Variants in FSTL5 observed in about 807,000 individuals in gnomAD.
FSTL5 encodes follistatin like 5, also known as follistatin-related protein 5.
Under a neutral mutation model 89.1 loss-of-function variants are expected in FSTL5, and 62 were observed. That is an observed-to-expected ratio of 0.70 (90% CI 0.57 to 0.86). FSTL5 has a LOEUF of 0.86. Among genes scored for constraint, FSTL5 ranks in the 40% least tolerant of loss-of-function variants. The pLI is 0.00. For synonymous variants in FSTL5, 383 were observed against 346.2 expected, an observed-to-expected ratio of 1.11 and a Z score of -1.18; for missense variants, 1,057 against 1,001.6, an observed-to-expected ratio of 1.06 and a Z score of -0.75.
chr4:161,813,577 G>A lies in FSTL5; in HGVS notation c.410-37503C>T, dbSNP rs533566382. ...GTGAGAATGCTACTTGACATTTCTC[G>A]TTTACACACAGTCAGCATTCTGTGG... On this transcript the variant is annotated intron_variant, in intron 4 of 15. Coordinates refer to ENST00000306100, the MANE Select transcript of FSTL5 (RefSeq NM_020116.5). 8.8e-4 allele frequency among the ~76,000 whole-genome samples: 134 copies of A among 152,208 alleles called. 1 individual carries two copies. Among genetic ancestry groups the A allele is most frequent in the African/African-American group, 3.0e-3 (126 of 41,538 alleles).
rs1175614176 is a variant in FSTL5, at chr4:161,542,577, C to T, written c.1132G>A (p.Gly378Arg). 7.0e-6 allele frequency: 11 copies of T among 1,563,144 alleles called. No individual in the cohort carries two copies. The highest frequency in any genetic ancestry group is 4.8e-5 in the East Asian group (2 of 41,938). The change falls in exon 9 of 16, where the codon GGA (glycine) becomes AGA (arginine). Residue 378 changes from glycine to arginine, a missense_variant. Transcript: ENST00000306100. ...PKPQLGWLKNGIDITPKLSKQ... is the reference protein window; with the variant it reads ...PKPQLGWLKNRIDITPKLSKQ... ...GAAAGCTTTGGTGTAATATCAATTC[C>T]ATTCTTCAACCAGCCAAGCTGAGGC...
At chr4:161,589,308 G>A (rs933656208) in intron 7 of FSTL5, among the ~76,000 whole-genome samples, 1 of 151,986 alleles carries the variant, frequency 6.6e-6, no homozygotes, top group African/African-American at 2.4e-5. Context: ...TGAGTAGCTG[G>A]GATTACAGGT....
At chr4:161,992,919 T>TGTATACATATATATAC (rs1736170065) in intron 3 of FSTL5, among the ~76,000 whole-genome samples, 1 of 11,512 alleles carries the variant, frequency 8.7e-5, no homozygotes, top group African/African-American at 1.8e-4. Context: ...TATATATATA[T>TGTATACATATATATAC]ATATATGTGT....
Position 162,020,287 on chromosome 4 carries a change from G to A in FSTL5, c.160+13338C>T, listed in dbSNP as rs1254297087. 3.3e-5 allele frequency among the ~76,000 whole-genome samples: 5 copies of A among 152,044 alleles called. No individual in the cohort carries two copies. The East Asian group carries it at 9.6e-4, about 29-fold the overall frequency. ...AATACTTAAGTTGTTGAACAAAACA[G>A]ATTCAAGGTAAGTCTGTTTGGTGAA... On this transcript the variant is annotated intron_variant, in intron 3 of 15. Transcript: ENST00000306100.
chr4:161,509,542 A>C (rs1159725900), intron 11 of FSTL5, among the ~76,000 whole-genome samples: 1 of 152,104 alleles, frequency 6.6e-6, no homozygotes, highest in Non-Finnish European at 1.5e-5. Flanking sequence ...TTGAGCACAG[A>C]ATTGAGATGG....
At chr4:161,417,176 C>T (rs1021982221) in intron 15 of FSTL5, among the ~76,000 whole-genome samples, 1 of 152,148 alleles carries the variant, frequency 6.6e-6, no homozygotes, top group Non-Finnish European at 1.5e-5. Context: ...TTTTATGTTG[C>T]TTATTTAACA....
chr4:161,802,846 A>G (rs1053400824), intron 4 of FSTL5, among the ~76,000 whole-genome samples: 2 of 151,862 alleles, frequency 1.3e-5, no homozygotes, highest in African/African-American at 4.8e-5. Flanking sequence ...GTGCTGGAAG[A>G]TAGTTGAGCT....
Position 161,485,138 on chromosome 4 carries a change from A to G in FSTL5, c.1459-3969T>C, listed in dbSNP as rs1000496989. On this transcript the variant is annotated intron_variant, in intron 12 of 15. Coordinates refer to ENST00000306100, the MANE Select transcript of FSTL5 (RefSeq NM_020116.5). ...GTTATAATGACAGACATATGAACTGAAAAGTCTAAGATATTTACTTACTAC... is the reference window on the plus strand; with the variant it reads ...GTTATAATGACAGACATATGAACTGGAAAGTCTAAGATATTTACTTACTAC... Among the ~76,000 whole-genome samples, 9 of 152,354 alleles carry G rather than the reference A, an allele frequency of 5.9e-5. No individual in the cohort carries two copies. In the East Asian group the frequency reaches 9.6e-4, roughly 16 times the overall value.
rs531621187 is a variant in FSTL5 at position 161,472,126 on chromosome 4, G to A, written c.1608+8894C>T. On this transcript the variant is annotated intron_variant, in intron 13 of 15. Transcript: ENST00000306100. ...AGAGTAGCTGGGACTACAGGTGCTG[G>A]CCACCACGCCCGGCTAATTTTTTTG... Among the ~76,000 whole-genome samples, 6 of 152,028 alleles carry A rather than the reference G, an allele frequency of 3.9e-5. No homozygotes were observed. The South Asian group carries it at 1.2e-3, about 32-fold the overall frequency.
At chr4:161,538,502 CA>C (rs1731709867) in intron 9 of FSTL5, among the ~76,000 whole-genome samples, 1 of 151,914 alleles carries the variant, frequency 6.6e-6, no homozygotes. Context: ...TAAGAGAGCC[CA>C]ATACTCTATA....
intron 2 of FSTL5, among the ~76,000 whole-genome samples, chr4:162,092,768 G>A (rs988642610): frequency 1.8e-4 from 27 of 151,636 alleles, no homozygotes; most frequent in African/African-American, 5.8e-4. Flanking sequence ...GACCAACATG[G>A]TGAAACCCCA....
intron 4 of FSTL5, among the ~76,000 whole-genome samples, chr4:161,788,158 T>C (rs957473962): frequency 1.3e-5 from 2 of 152,188 alleles, no homozygotes; most frequent in African/African-American, 2.4e-5. Context: ...TAATTGTACA[T>C]CTTTATGGGT....
chr4:161,687,936 G>T (rs1184166025), intron 6 of FSTL5, among the ~76,000 whole-genome samples: 1 of 152,192 alleles, frequency 6.6e-6, no homozygotes, highest in African/African-American at 2.4e-5. Context: ...ACGGAAGTGA[G>T]TTCCTTCTTT....
intron 15 of FSTL5, among the ~76,000 whole-genome samples, chr4:161,391,386 A>C (rs1730817599): frequency 6.6e-6 from 1 of 152,116 alleles, no homozygotes; most frequent in Admixed American, 6.5e-5. Flanking sequence ...CTGAACATAT[A>C]AGATGCTATA....
chr4:162,004,427 T>G (rs141098769), intron 3 of FSTL5, among the ~76,000 whole-genome samples: 1 of 152,318 alleles, frequency 6.6e-6, no homozygotes, highest in African/African-American at 2.4e-5. Context: ...TGTGCTTACT[T>G]CTTGGACCTC....
chr4:161,692,153 T>C (rs1389327735), intron 6 of FSTL5, among the ~76,000 whole-genome samples: 1 of 152,116 alleles, frequency 6.6e-6, no homozygotes, highest in Non-Finnish European at 1.5e-5. Flanking sequence ...ATTGTCTCTT[T>C]TCTGACATTA....
intron 6 of FSTL5, among the ~76,000 whole-genome samples, chr4:161,722,615 T>C (rs1245892208): frequency 2.0e-5 from 3 of 152,188 alleles, no homozygotes; most frequent in African/African-American, 7.2e-5. Context: ...GCACTGCTGA[T>C]CTATCTATAT....
intron 3 of FSTL5, among the ~76,000 whole-genome samples, chr4:162,004,643 T>A (rs1413950094): frequency 6.6e-6 from 1 of 152,194 alleles, no homozygotes; most frequent in Non-Finnish European, 1.5e-5. Context: ...CTACCACACA[T>A]CTTTGCTTTC....
chr4:161,503,090 C>A (rs935730458), intron 11 of FSTL5, among the ~76,000 whole-genome samples: 1 of 151,428 alleles, frequency 6.6e-6, no homozygotes, highest in Non-Finnish European at 1.5e-5. Context: ...ACTCTTTTAC[C>A]GTGAGAATGT....
Sources: gnomAD v4.1 joint callset for allele counts (sites outside exome capture counted in the v4.1 genomes callset) on GRCh38, gnomAD v4.1.1 for gene constraint, MANE v1.5 for transcripts, NCBI Gene and HGNC (gene_info 2026-07-23, HGNC 2026-07-21) for gene names.